AKT3: variants seen among roughly 807,000 people sequenced by gnomAD.
AKT3 encodes the protein RAC-gamma serine/threonine-protein kinase.
A neutral mutation model predicts 65.3 loss-of-function variants in AKT3; 15 were observed. The ratio of observed to expected loss-of-function variants is 0.23; its 90% CI spans 0.15 to 0.35. The LOEUF is 0.35. Ranked by LOEUF, AKT3 falls within the 10% of genes least tolerant of loss-of-function variation. The probability of loss-of-function intolerance (pLI) is 1.00; values close to 1 mark genes in which losing one functional copy is unlikely to be tolerated. For synonymous variants in AKT3, 206 were observed against 183.8 expected (o/e 1.12, Z -0.98); for missense variants, 243 against 576.5 (o/e 0.42, Z 5.92).
intron 2 of AKT3, among the ~76,000 whole-genome samples, chr1:243,700,842 T>C (rs370574143): frequency 6.6e-6 from 1 of 152,148 alleles, no homozygotes; most frequent in East Asian, 1.9e-4. Flanking sequence ...GGACCTGGTA[T>C]GAGTTTAGAC....
rs1678195475 is a variant in AKT3, at chr1:243,615,081, C to G, written c.627+15G>C. ...CAAATGTTACGATTATAACATCTGT[C>G]CTCTAGTCACTTACTGTTAAAAAGG... On this transcript the variant is annotated intron_variant, in intron 7 of 13. Transcript: ENST00000673466. 6.5e-7 allele frequency: 1 copy of G among 1,548,740 alleles called. No individual in the cohort carries two copies. Among genetic ancestry groups the G allele is most frequent in the African/African-American group, 1.4e-5 (1 of 73,400 alleles).
intron 12 of AKT3, among the ~76,000 whole-genome samples, chr1:243,532,278 A>G (rs1256363352): frequency 6.6e-6 from 1 of 152,222 alleles, no homozygotes; most frequent in Non-Finnish European, 1.5e-5. Flanking sequence ...CTTAAAGGAC[A>G]GTCTTTCCAA....
chr1:243,678,762 G>A (rs1382215232), intron 3 of AKT3, among the ~76,000 whole-genome samples: 1 of 152,092 alleles, frequency 6.6e-6, no homozygotes, highest in Non-Finnish European at 1.5e-5. Context: ...GTCTCTTTTT[G>A]TATCACATAC....
chr1:243,586,249 G>A (rs1395789987), intron 8 of AKT3, among the ~76,000 whole-genome samples: 1 of 152,124 alleles, frequency 6.6e-6, no homozygotes, highest in Non-Finnish European at 1.5e-5. Flanking sequence ...ACAATAACAT[G>A]TTGACAAGGC....
intron 13 of AKT3, 28 bp downstream of exon 13, chr1:243,512,296 T>G: frequency 1.6e-6 from 2 of 1,221,112 alleles, no homozygotes; most frequent in South Asian, 2.7e-5. Flanking sequence ...TATTAGAAAT[T>G]TATCAATTGC....
chr1:243,689,750 C>G (rs957997938), intron 3 of AKT3, among the ~76,000 whole-genome samples: 4 of 151,720 alleles, frequency 2.6e-5, no homozygotes, highest in African/African-American at 9.7e-5. Flanking sequence ...GAGCCCAGTT[C>G]AAGACCAGCC....
intron 10 of AKT3, among the ~76,000 whole-genome samples, chr1:243,559,450 T>C (rs1673622024): frequency 6.6e-6 from 1 of 152,154 alleles, no homozygotes; most frequent in East Asian, 1.9e-4. Flanking sequence ...AAAAATATTC[T>C]TTTTTCAACA....
At chr1:243,564,561 T>G (rs1674017480) in intron 9 of AKT3, among the ~76,000 whole-genome samples, 1 of 152,088 alleles carries the variant, frequency 6.6e-6, no homozygotes, top group South Asian at 2.1e-4. Flanking sequence ...AGCGGAAAAT[T>G]ATGAAATGTA....
At chr1:243,752,193 C>A (rs1024968999) in intron 2 of AKT3, among the ~76,000 whole-genome samples, 1 of 152,060 alleles carries the variant, frequency 6.6e-6, no homozygotes, top group Non-Finnish European at 1.5e-5. Context: ...AATTTTTAAA[C>A]TGAAAAGTAC....
intron 8 of AKT3, among the ~76,000 whole-genome samples, chr1:243,593,333 G>A (rs1676365806): frequency 1.3e-5 from 2 of 152,148 alleles, no homozygotes; most frequent in African/African-American, 4.8e-5. Context: ...ATGACTAAAA[G>A]ATGGTTAATC....
At chr1:243,492,245 C>T (rs184578053) in intron 13 of AKT3, among the ~76,000 whole-genome samples, 235 of 142,124 alleles carry the variant, frequency 1.7e-3, no homozygotes, top group African/African-American at 5.4e-3. Flanking sequence ...GCGCTGTCTG[C>T]GGTGGGCAGG....
chr1:243,643,503 G>A (rs1680591743), intron 5 of AKT3, among the ~76,000 whole-genome samples: 1 of 152,200 alleles, frequency 6.6e-6, no homozygotes, highest in Admixed American at 6.5e-5. Flanking sequence ...AAATTCCTCT[G>A]AAACGCTATC....
At chr1:243,552,202 TC>T (rs1286885242) in intron 11 of AKT3, among the ~76,000 whole-genome samples, 1 of 130,326 alleles carries the variant, frequency 7.7e-6, no homozygotes, top group Non-Finnish European at 1.5e-5. Context: ...GGCAGGAAAA[TC>T]ACCTGAACCT....
intron 3 of AKT3, among the ~76,000 whole-genome samples, chr1:243,666,234 C>A (rs1488231223): frequency 6.6e-6 from 1 of 152,050 alleles, no homozygotes; most frequent in Admixed American, 6.6e-5. Context: ...GAACTCCTGA[C>A]CTCAAGTGAT....
intron 2 of AKT3, among the ~76,000 whole-genome samples, chr1:243,766,813 T>C (rs988249026): frequency 6.6e-6 from 1 of 152,022 alleles, no homozygotes; most frequent in African/African-American, 2.4e-5. Flanking sequence ...TAATTAACAG[T>C]AGAAGATAAT....
intron 2 of AKT3, among the ~76,000 whole-genome samples, chr1:243,782,448 T>C (rs1054656138): frequency 6.6e-6 from 1 of 152,158 alleles, no homozygotes; most frequent in Non-Finnish European, 1.5e-5. Context: ...TGTGTCCTCA[T>C]ACAGAAGAAG....
At chr1:243,745,403 A>G (rs1688419627) in intron 2 of AKT3, among the ~76,000 whole-genome samples, 1 of 152,160 alleles carries the variant, frequency 6.6e-6, no homozygotes, top group African/African-American at 2.4e-5. Context: ...TGTCAAAATT[A>G]TTTATTTTAA....
At chr1:243,755,842 G>A (rs1188628153) in intron 2 of AKT3, among the ~76,000 whole-genome samples, 1 of 152,196 alleles carries the variant, frequency 6.6e-6, no homozygotes, top group Non-Finnish European at 1.5e-5. Context: ...AATCCCCAAA[G>A]TATGCATTAA....
intron 2 of AKT3, among the ~76,000 whole-genome samples, chr1:243,795,806 C>T (rs184249725): frequency 1.3e-3 from 201 of 152,208 alleles, no homozygotes; most frequent in Admixed American, 2.7e-3. Flanking sequence ...CAATCCACGG[C>T]CCCTGGTTTC....
Sources: allele counts gnomAD v4.1 joint callset (sites outside exome capture counted in the v4.1 genomes callset), GRCh38; gene constraint gnomAD v4.1.1; transcripts MANE v1.5; gene names NCBI Gene and HGNC (gene_info 2026-07-23, HGNC 2026-07-21).